TIAM1: variants seen among roughly 807,000 people sequenced by gnomAD.
TIAM1 encodes rho guanine nucleotide exchange factor TIAM1.
In TIAM1, 65 loss-of-function variants were observed where a neutral mutation model predicts 163.5. The ratio of observed to expected loss-of-function variants is 0.40; its 90% CI spans 0.33 to 0.49. The LOEUF (loss-of-function observed/expected upper bound fraction) is 0.49. Among genes scored for constraint, TIAM1 ranks in the 20% least tolerant of loss-of-function variants. The pLI, the probability that TIAM1 is intolerant of heterozygous loss-of-function variation, is 0.77. For missense variants in TIAM1, 1,789 were observed against 2,044.7 expected (o/e 0.87, Z 2.41); for synonymous variants, 833 against 810.1 (o/e 1.03, Z -0.48).
Position 31,395,341 on chromosome 21 carries a change from G to A in TIAM1, c.-368-55919C>T, listed in dbSNP as rs573937331. ...GCTACTTCTAGAGAAGTGACAAATG[G>A]CCCCACACACAGATCACTGCTTGCC... On this transcript the variant is annotated intron_variant, in intron 2 of 28. Transcript: ENST00000286827. This position sits in a 1 kb window ranked among gnomAD's most constrained non-coding sequence, Gnocchi z 7.5. 6.6e-6 allele frequency among the ~76,000 whole-genome samples: 1 copy of A among 151,748 alleles called. No individual in the cohort carries two copies. The highest frequency in any genetic ancestry group is 2.4e-5 in the African/African-American group (1 of 41,488).
intron 2 of TIAM1, among the ~76,000 whole-genome samples, chr21:31,367,700 C>T (rs2076525181): frequency 6.6e-6 from 1 of 152,146 alleles, no homozygotes. Flanking sequence ...AGCAACATTC[C>T]GTTTCTTCGC....
intron 2 of TIAM1, among the ~76,000 whole-genome samples, chr21:31,443,307 A>G (rs901880330): frequency 2.6e-5 from 4 of 152,220 alleles, no homozygotes; most frequent in Non-Finnish European, 4.4e-5. Context: ...CCCAGATATT[A>G]TAAAAGCATG....
At chr21:31,517,283 C>T (rs927722386) in intron 1 of TIAM1, among the ~76,000 whole-genome samples, 1 of 152,012 alleles carries the variant, frequency 6.6e-6, no homozygotes, top group South Asian at 2.1e-4. Context: ...CCTGTAATCC[C>T]AGCACTTTAG....
intron 2 of TIAM1, among the ~76,000 whole-genome samples, chr21:31,444,759 G>A (rs1486526049): frequency 6.6e-6 from 1 of 152,220 alleles, no homozygotes; most frequent in East Asian, 1.9e-4. Context: ...AGCACTTTGG[G>A]AGGCCAAGGT....
At chr21:31,479,042 C>T (rs1328543951) in intron 1 of TIAM1, among the ~76,000 whole-genome samples, 1 of 152,148 alleles carries the variant, frequency 6.6e-6, no homozygotes, top group Admixed American at 6.6e-5. Context: ...TGAAAGAAAT[C>T]GTGAGCCTGG....
At chr21:31,484,659 C>G (rs1450020368) in intron 1 of TIAM1, among the ~76,000 whole-genome samples, 6 of 152,214 alleles carry the variant, frequency 3.9e-5, no homozygotes, top group Admixed American at 3.9e-4. Context: ...ATCCTGTAAT[C>G]TCAGCTTCCT....
At chr21:31,393,517 G>A (rs1475130919) in intron 2 of TIAM1, among the ~76,000 whole-genome samples, 2 of 152,070 alleles carry the variant, frequency 1.3e-5, no homozygotes, top group Non-Finnish European at 2.9e-5. Flanking sequence ...CAGTCACATC[G>A]AGCCTTATAA....
chr21:31,470,242 C>T lies in TIAM1; in HGVS notation c.-421-6207G>A, dbSNP rs191330160. On this transcript the variant is annotated intron_variant, in intron 1 of 28. Coordinates refer to the TIAM1 transcript ENST00000286827. The stretch of plus-strand genomic sequence containing the variant: ...CTGGGCTCAAACTCCTAACCTCAGG[C>T]GATCTGCCCACCTCAGCCTCCCATA... 5.3e-5 allele frequency among the ~76,000 whole-genome samples: 8 copies of T among 151,964 alleles called. No homozygotes were observed. In the South Asian group the frequency reaches 1.5e-3, roughly 28 times the overall value.
intron 1 of TIAM1, among the ~76,000 whole-genome samples, chr21:31,477,499 G>T (rs2045971305): frequency 8.0e-6 from 1 of 125,124 alleles, no homozygotes; most frequent in South Asian, 2.5e-4. Context: ...TTTTGAGACG[G>T]AATCTGGCTT....
Position 31,245,541 on chromosome 21 carries a change from TC to T in TIAM1, c.1530del (p.Lys511ArgfsTer53). 1 of 1,594,384 alleles carries T rather than the reference TC, an allele frequency of 6.3e-7. No individual in the cohort carries two copies. Among genetic ancestry groups the T allele is most frequent in the Non-Finnish European group, 8.5e-7 (1 of 1,170,366 alleles). ...TTGCTGAGGCAGAAGACAAAGTCCT[TC>T]TTGGGGTGCTCAGGCACCGCCTGCA... The part of the protein sequence containing the change: ...SIVQAVPEHP[K>X]KDFVFCLSNS... On this transcript the variant is annotated frameshift_variant, in exon 6 of 28. Transcript: ENST00000541036. LOFTEE classifies it high-confidence loss of function.
At chr21:31,544,447 G>C (rs2048421802) in intron 1 of TIAM1, among the ~76,000 whole-genome samples, 1 of 148,794 alleles carries the variant, frequency 6.7e-6, no homozygotes, top group Non-Finnish European at 1.5e-5. Flanking sequence ...TGGCCAACAT[G>C]GTGAAACCCC....
At chr21:31,235,373 C>T (rs2088695713) in intron 6 of TIAM1, among the ~76,000 whole-genome samples, 1 of 152,162 alleles carries the variant, frequency 6.6e-6, no homozygotes, top group South Asian at 2.1e-4. Context: ...TTTATATGGT[C>T]ATAACAATGT....
chr21:31,378,761 T>C (rs113323964), intron 2 of TIAM1, among the ~76,000 whole-genome samples: 14 of 152,084 alleles, frequency 9.2e-5, no homozygotes, highest in Non-Finnish European at 1.5e-5. Context: ...CAAAATATTT[T>C]AAAAAAGGAA....
Position 31,120,893 on chromosome 21 carries a change from G to A in TIAM1, c.4307-56C>T. On this transcript the variant is annotated intron_variant, in intron 27 of 27. Coordinates refer to ENST00000541036, the MANE Select transcript of TIAM1 (RefSeq NM_001353694.2). This position sits in a 1 kb window ranked among gnomAD's most constrained non-coding sequence, Gnocchi z 4.2. Reference sequence around the variant, plus strand: ...AACCCCCACATGCTTTACGTGAGATGAAAATCCAGAAAGCAAAGGACAGGA... The same window carrying A: ...AACCCCCACATGCTTTACGTGAGATAAAAATCCAGAAAGCAAAGGACAGGA... 2.0e-6 allele frequency: 3 copies of A among 1,465,926 alleles called. No homozygotes were observed. The highest frequency in any genetic ancestry group is 9.1e-7 in the Non-Finnish European group (1 of 1,102,196). The allele number at this position is 1,465,926 out of a possible 1,614,324, so 90.8% of individuals were successfully genotyped here.
At chr21:31,506,804 GC>G (rs2047043574) in intron 1 of TIAM1, among the ~76,000 whole-genome samples, 1 of 152,204 alleles carries the variant, frequency 6.6e-6, no homozygotes, top group Non-Finnish European at 1.5e-5. Flanking sequence ...TGTAATCCTA[GC>G]TACCTGGGTG....
intron 2 of TIAM1, among the ~76,000 whole-genome samples, chr21:31,390,033 A>T (rs28379296): frequency 2.5e-4 from 38 of 152,340 alleles, no homozygotes; most frequent in Non-Finnish European, 3.2e-4. Context: ...ATATATTTTT[A>T]AAAAATCTAT....
At position 31,296,065 on chromosome 21, in the gene TIAM1, T is replaced by C. The variant is rs553890398; in HGVS notation, c.-188-19157A>G. Among the ~76,000 whole-genome samples, 11 of 152,244 alleles carry C rather than the reference T, an allele frequency of 7.2e-5. No individual in the cohort carries two copies. The South Asian group carries it at 8.3e-4, about 11-fold the overall frequency. ...CCGCCTGCCTCAGCCTCCCAAAGTA[T>C]TGGGATTACAGGCGTGAGCCACCGC... On this transcript the variant is annotated intron_variant, in intron 2 of 27. Transcript: ENST00000541036.
In TIAM1 at chr21:31,146,969, T is replaced by C. The variant is rs1398627182; in HGVS notation, c.3401A>G (p.Tyr1134Cys). The C allele has an allele frequency of 6.2e-7, 1 of 1,614,098 alleles. No homozygotes were observed. Among genetic ancestry groups the C allele is most frequent in the East Asian group, 2.2e-5 (1 of 44,866 alleles). The stretch of plus-strand genomic sequence containing the variant: ...GTAGAGCTTGAAGCGGTCAGCATAA[T>C]ACAGGAATGATCCCCCCAGAGAGAA... ...VLFSLGGSFL[Y>C]YADRFKLYSA... Residue 1134 changes from tyrosine to cysteine, a missense_variant, in exon 20 of 28, where the codon TAT becomes TGT. Tyr to Cys is a radical substitution (Grantham distance 194). Transcript: ENST00000541036.
chr21:31,367,852 C>T (rs1201568205), intron 2 of TIAM1, among the ~76,000 whole-genome samples: 1 of 152,114 alleles, frequency 6.6e-6, no homozygotes, highest in African/African-American at 2.4e-5. Flanking sequence ...CTTCAAATGA[C>T]GTCTAACTTG....
Sources: gnomAD v4.1 joint callset for allele counts (sites outside exome capture counted in the v4.1 genomes callset) on GRCh38, gnomAD v4.1.1 for gene constraint, Gnocchi (gnomAD v3.1) non-coding constraint, MANE v1.5 for transcripts, NCBI Gene and HGNC (gene_info 2026-07-23, HGNC 2026-07-21) for gene names.